ARMH3: variants seen among roughly 807,000 people sequenced by gnomAD.
ARMH3 encodes the protein armadillo-like helical domain-containing protein 3.
ARMH3 carries 60 observed loss-of-function variants against 99.1 expected under a neutral mutation model. That is an observed-to-expected ratio of 0.61 (90% CI 0.49 to 0.75). ARMH3 has a LOEUF of 0.75. ARMH3 is among the 30% of genes least tolerant of loss of function. ARMH3 has a pLI of 0.00. For synonymous variants in ARMH3, 285 were observed against 292.8 expected, an observed-to-expected ratio of 0.97 and a Z score of 0.27; for missense variants, 679 against 843.1, an observed-to-expected ratio of 0.81 and a Z score of 2.41.
At chr10:102,043,021 G>A (rs889428816) in intron 1 of ARMH3, among the ~76,000 whole-genome samples, 3 of 152,204 alleles carry the variant, frequency 2.0e-5, no homozygotes, top group Non-Finnish European at 2.9e-5. Flanking sequence ...GCGGTGAGAC[G>A]AGATTGCGCC....
chr10:101,890,778 C>T (rs990884253), intron 23 of ARMH3, among the ~76,000 whole-genome samples: 2 of 152,034 alleles, frequency 1.3e-5, no homozygotes, highest in African/African-American at 4.8e-5. Flanking sequence ...CCATGTAACC[C>T]TTGGTATGAT....
chr10:101,982,539 G>A (rs142585076), intron 19 of ARMH3, among the ~76,000 whole-genome samples: 65 of 152,238 alleles, frequency 4.3e-4, no homozygotes, highest in African/African-American at 1.4e-3. Context: ...GGCCATGGAC[G>A]AGTACTGGTT....
chr10:102,003,083 C>T (rs764187082), intron 14 of ARMH3, among the ~76,000 whole-genome samples: 9 of 152,080 alleles, frequency 5.9e-5, no homozygotes, highest in Admixed American at 4.6e-4. Context: ...AGAAATCCCC[C>T]ACCCAGTTCT....
intron 24 of ARMH3, among the ~76,000 whole-genome samples, chr10:101,865,623 G>T (rs984304333): frequency 6.6e-6 from 1 of 151,910 alleles, no homozygotes; most frequent in African/African-American, 2.4e-5. Flanking sequence ...CAAGTAGCTG[G>T]GATTACAGGC....
At chr10:102,053,662 T>C (rs1286960075) in intron 1 of ARMH3, among the ~76,000 whole-genome samples, 1 of 145,258 alleles carries the variant, frequency 6.9e-6, no homozygotes, top group Admixed American at 6.9e-5. Context: ...CTGTATAAAT[T>C]TTTTTTTTTT....
At chr10:101,863,794 G>A (rs1423620415) in intron 24 of ARMH3, among the ~76,000 whole-genome samples, 3 of 151,868 alleles carry the variant, frequency 2.0e-5, no homozygotes, top group South Asian at 2.1e-4. Flanking sequence ...CAGGCACAGC[G>A]GCTCACACCT....
chr10:102,029,792 G>A lies in ARMH3; in HGVS notation c.307-47C>T, dbSNP rs200201521. On this transcript the variant is annotated intron_variant, in intron 4 of 25. Transcript: ENST00000370033. ...TTCTTTCTGGAGAGGAAGTCTCAGG[G>A]TCTGTAGACCCACATTGCAGCCTCA... The A allele has an allele frequency of 5.1e-6, 8 of 1,567,158 alleles. No individual in the cohort carries two copies. In the African/African-American group the frequency reaches 1.1e-4, roughly 21 times the overall value.
intron 23 of ARMH3, among the ~76,000 whole-genome samples, chr10:101,893,625 C>T (rs573738895): frequency 2.0e-5 from 3 of 150,424 alleles, no homozygotes; most frequent in Admixed American, 1.3e-4. Flanking sequence ...GCCTTTCTAT[C>T]TGAGTAGTTC....
chr10:102,006,575 A>G lies in ARMH3; in HGVS notation c.1013T>C (p.Val338Ala). The G allele has an allele frequency of 6.2e-7, 1 of 1,614,076 alleles. No individual in the cohort carries two copies. The highest frequency in any genetic ancestry group is 8.5e-7 in the Non-Finnish European group (1 of 1,179,948). ...AGGCGGTGTGGTCCCAAGTGGTGTGACTGGGGTTGTAGGAGCAGGACTGAC... is the reference window on the plus strand; with the variant it reads ...AGGCGGTGTGGTCCCAAGTGGTGTGGCTGGGGTTGTAGGAGCAGGACTGAC... ...TPVSPAPTTP[V>A]TPLGTTPPSS... The change falls in exon 14 of 26, where the codon GTC (valine) becomes GCC (alanine). Residue 338 changes from valine to alanine, a missense_variant. Physicochemically the swap from Val to Ala is moderately conservative, Grantham distance 64. Coordinates refer to ENST00000370033, the MANE Select transcript of ARMH3 (RefSeq NM_024541.3).
intron 23 of ARMH3, among the ~76,000 whole-genome samples, chr10:101,917,310 A>G (rs529590413): frequency 1.3e-5 from 2 of 152,280 alleles, no homozygotes; most frequent in African/African-American, 4.8e-5. Flanking sequence ...CTGTCCCTAT[A>G]GTTTTGCCAT....
At chr10:101,948,052 G>A (rs879505160) in intron 22 of ARMH3, among the ~76,000 whole-genome samples, 8 of 152,198 alleles carry the variant, frequency 5.3e-5, no homozygotes, top group Non-Finnish European at 1.0e-4. Flanking sequence ...CAAAAAGTGC[G>A]GGGAGGGGCA....
intron 21 of ARMH3, among the ~76,000 whole-genome samples, chr10:101,957,088 T>C (rs866887747): frequency 6.6e-6 from 1 of 152,246 alleles, no homozygotes; most frequent in Admixed American, 6.5e-5. Context: ...TGATGTCACA[T>C]TGATAGCTTG....
At chr10:102,017,834 A>G (rs1390473708) in intron 8 of ARMH3, among the ~76,000 whole-genome samples, 2 of 152,214 alleles carry the variant, frequency 1.3e-5, no homozygotes, top group African/African-American at 2.4e-5. Flanking sequence ...ATTGCTCTGC[A>G]TATTCTAGTC....
chr10:101,885,023 A>C (rs1230832332), intron 24 of ARMH3, among the ~76,000 whole-genome samples: 1 of 152,246 alleles, frequency 6.6e-6, no homozygotes, highest in South Asian at 2.1e-4. Context: ...AATTTCTCCA[A>C]AGATGATCTA....
chr10:101,993,654 CTG>C (rs773435545), intron 16 of ARMH3, 51 bp from the exon 17 acceptor site: 199 of 1,249,884 alleles, frequency 1.6e-4, no homozygotes, highest in Non-Finnish European at 5.0e-5. Flanking sequence ...ATTTAAGAAA[CTG>C]TAATCTATCA....
intron 9 of ARMH3, among the ~76,000 whole-genome samples, 187 bp downstream of exon 9, chr10:102,013,781 T>C (rs924609906): frequency 2.6e-5 from 4 of 152,196 alleles, no homozygotes; most frequent in East Asian, 3.8e-4. Context: ...CTTCCTTCCA[T>C]GATAATAAGT....
At chr10:101,936,142 C>T (rs1184258189) in intron 23 of ARMH3, among the ~76,000 whole-genome samples, 2 of 152,016 alleles carry the variant, frequency 1.3e-5, no homozygotes, top group African/African-American at 2.4e-5. Flanking sequence ...ATCAAGTTCT[C>T]CCTACCAAGG....
intron 20 of ARMH3, among the ~76,000 whole-genome samples, chr10:101,963,362 A>G (rs904156316): frequency 3.3e-5 from 5 of 151,814 alleles, no homozygotes; most frequent in African/African-American, 1.2e-4. Context: ...CCATCTCCTG[A>G]CCTCGTGATC....
rs184052867 is a variant in ARMH3 at position 101,944,465 on chromosome 10, G to A, written c.1706-4527C>T. On this transcript the variant is annotated intron_variant, in intron 22 of 25. Coordinates refer to ENST00000370033, the MANE Select transcript of ARMH3 (RefSeq NM_024541.3). ...CCCCAAGCAAAATAAAGAAAACCAC[G>A]CCAAGGCATGTGATAATCATATTGT... is the stretch of plus-strand genomic sequence containing the variant. Among the ~76,000 whole-genome samples, 26 of 151,422 alleles carry A rather than the reference G, an allele frequency of 1.7e-4. No individual in the cohort carries two copies. The East Asian group carries it at 3.3e-3, about 19-fold the overall frequency.
Sources: allele counts gnomAD v4.1 joint callset (sites outside exome capture counted in the v4.1 genomes callset), GRCh38; gene constraint gnomAD v4.1.1; transcripts MANE v1.5; gene names NCBI Gene and HGNC (gene_info 2026-07-23, HGNC 2026-07-21).